Variants in KIF1B observed in about 807,000 individuals in gnomAD.
The protein encoded by KIF1B is kinesin-like protein KIF1B.
Under a neutral mutation model 241.9 loss-of-function variants are expected in KIF1B, and 76 were observed. That is an observed-to-expected ratio of 0.31 (90% CI 0.26 to 0.38). The LOEUF (loss-of-function observed/expected upper bound fraction) is 0.38. Ranked by LOEUF, KIF1B falls within the 10% of genes least tolerant of loss-of-function variation. The pLI is 1.00. For synonymous variants in KIF1B, 750 were observed against 796.7 expected (o/e 0.94, Z 0.99); for missense variants, 1,622 against 2,271.4 (o/e 0.71, Z 5.81).
At chr1:10,345,812 C>G in intron 34 of KIF1B, 33 bp from the exon 35 acceptor site, 1 of 1,526,790 alleles carries the variant, frequency 6.5e-7, no homozygotes, top group South Asian at 1.1e-5. Flanking sequence ...AGTCTTGGAC[C>G]AGATTTTGAC....
At chr1:10,313,754 G>T (rs1651177661) in intron 22 of KIF1B, among the ~76,000 whole-genome samples, 1 of 150,712 alleles carries the variant, frequency 6.6e-6, no homozygotes, top group Non-Finnish European at 1.5e-5. Context: ...GTTTCACCGT[G>T]TTAGCCAGGA....
At chr1:10,246,594 A>G (rs1647216274) in intron 2 of KIF1B, among the ~76,000 whole-genome samples, 1 of 152,126 alleles carries the variant, frequency 6.6e-6, no homozygotes, top group Admixed American at 6.5e-5. Flanking sequence ...AAATACAGAA[A>G]TTAGCCGGGC....
At chr1:10,276,560 A>G (rs1054199262) in intron 12 of KIF1B, among the ~76,000 whole-genome samples, 161 bp downstream of exon 12, 1 of 152,210 alleles carries the variant, frequency 6.6e-6, no homozygotes, top group Non-Finnish European at 1.5e-5. Flanking sequence ...GATTTGTATT[A>G]TAATAGAATT....
chr1:10,260,744 G>A (rs1292550835), intron 4 of KIF1B, among the ~76,000 whole-genome samples: 1 of 151,688 alleles, frequency 6.6e-6, no homozygotes, highest in Admixed American at 6.6e-5. Context: ...GCGCATGCCT[G>A]TAATCCCAGC....
At chr1:10,248,792 C>T (rs1366950957) in intron 2 of KIF1B, among the ~76,000 whole-genome samples, 1 of 152,110 alleles carries the variant, frequency 6.6e-6, no homozygotes, top group African/African-American at 2.4e-5. Context: ...TGATAGGATA[C>T]ATCAGATGTG....
chr1:10,368,837 T>C lies in KIF1B; in HGVS notation c.4824+299T>C, dbSNP rs556303200. Reference sequence around the variant, plus strand: ...AATATTCTATGGGGAGGTGGTATGTTATTCTTTGCCAGGGTACAAGGAAAC... The same window carrying C: ...AATATTCTATGGGGAGGTGGTATGTCATTCTTTGCCAGGGTACAAGGAAAC... On this transcript the variant is annotated intron_variant, in intron 44 of 48. Transcript: ENST00000676179. Among the ~76,000 whole-genome samples, 90 of 152,296 alleles carry C rather than the reference T, an allele frequency of 5.9e-4. 1 individual carries two copies. The highest frequency in any genetic ancestry group is 5.1e-4 in the Non-Finnish European group (35 of 68,012).
At chr1:10,350,671 C>T (rs1479388301) in intron 37 of KIF1B, among the ~76,000 whole-genome samples, 1 of 152,186 alleles carries the variant, frequency 6.6e-6, no homozygotes, top group Non-Finnish European at 1.5e-5. Flanking sequence ...TATTGCCTTC[C>T]TTTGTGATTG....
At chr1:10,234,891 CT>C (rs947042515) in intron 2 of KIF1B, among the ~76,000 whole-genome samples, 121 of 142,616 alleles carry the variant, frequency 8.5e-4, no homozygotes, top group Admixed American at 9.9e-4. Context: ...TTTTCTTTTT[CT>C]TTTTTTTTTT....
At chr1:10,311,460 GTC>G (rs1333436649) in intron 22 of KIF1B, among the ~76,000 whole-genome samples, 1 of 151,174 alleles carries the variant, frequency 6.6e-6, no homozygotes, top group African/African-American at 2.5e-5. Context: ...TGATCCACCT[GTC>G]TCAGCCTCCC....
At chr1:10,236,130 G>T (rs984743572) in intron 2 of KIF1B, among the ~76,000 whole-genome samples, 1 of 151,646 alleles carries the variant, frequency 6.6e-6, no homozygotes, top group Non-Finnish European at 1.5e-5. Context: ...AAATTAGCCG[G>T]ACGTGGTGAT....
At chr1:10,282,203 G>A in intron 14 of KIF1B, 119 bp from the exon 15 acceptor site, 1 of 754,658 alleles carries the variant, frequency 1.3e-6, no homozygotes, top group Admixed American at 2.3e-5. Context: ...AGCGTGTCTT[G>A]GTCTTGGCGC....
chr1:10,297,554 A>C (rs947290756), intron 22 of KIF1B, among the ~76,000 whole-genome samples: 2 of 152,126 alleles, frequency 1.3e-5, no homozygotes, highest in African/African-American at 4.8e-5. Context: ...TGGTTTTGGA[A>C]TTTGCTTCAG....
chr1:10,262,843 T>C (rs1444752639), intron 5 of KIF1B, among the ~76,000 whole-genome samples: 1 of 152,174 alleles, frequency 6.6e-6, no homozygotes, highest in Non-Finnish European at 1.5e-5. Context: ...TTTAAATATA[T>C]ATAATCAAAT....
At chr1:10,263,330 C>G (rs1648259852) in intron 5 of KIF1B, among the ~76,000 whole-genome samples, 1 of 151,694 alleles carries the variant, frequency 6.6e-6, no homozygotes, top group East Asian at 1.9e-4. Context: ...CTTTCTCTTC[C>G]TCCCTCTCTC....
Position 10,365,708 on chromosome 1 carries a change from C to G in KIF1B, c.4752+60C>G. 1 of 1,607,780 alleles carries G rather than the reference C, an allele frequency of 6.2e-7. No homozygotes were observed. Among genetic ancestry groups the G allele is most frequent in the South Asian group, 1.1e-5 (1 of 90,808 alleles). ...CACAAGGCTCCACAAACTAGCCTCT[C>G]GGTTTATTCATTTTCAACACCTTTG... is the stretch of plus-strand genomic sequence containing the variant. On this transcript the variant is annotated intron_variant, in intron 43 of 48. Transcript: ENST00000676179. This position sits in a 1 kb window ranked among gnomAD's most constrained non-coding sequence, Gnocchi z 4.0.
chr1:10,276,779 G>A (rs764955932), intron 12 of KIF1B, among the ~76,000 whole-genome samples: 9 of 152,148 alleles, frequency 5.9e-5, no homozygotes, highest in East Asian at 5.8e-4. Context: ...AGTGTTTGTC[G>A]TTATAGAAAT....
chr1:10,313,445 A>G (rs17034716), intron 22 of KIF1B, among the ~76,000 whole-genome samples: 5,430 of 151,530 alleles, frequency 0.036, 220 homozygotes, highest in Middle Eastern at 0.13. Context: ...GATACAAAAT[A>G]AGCTTAAAAA....
intron 1 of KIF1B, among the ~76,000 whole-genome samples, chr1:10,213,851 C>T (rs945263368): frequency 4.6e-5 from 7 of 151,922 alleles, no homozygotes; most frequent in Non-Finnish European, 1.0e-4. Context: ...CAAAAGGTGC[C>T]TTGGGCCGGA....
At chr1:10,244,660 T>C (rs1486458960) in intron 2 of KIF1B, among the ~76,000 whole-genome samples, 1 of 142,848 alleles carries the variant, frequency 7.0e-6, no homozygotes, top group Admixed American at 7.3e-5. Flanking sequence ...TCGCCCAGGC[T>C]GGAGTGCAGT....
Sources: gnomAD v4.1 joint callset for allele counts (sites outside exome capture counted in the v4.1 genomes callset) on GRCh38, gnomAD v4.1.1 for gene constraint, Gnocchi (gnomAD v3.1) non-coding constraint, MANE v1.5 for transcripts, NCBI Gene and HGNC (gene_info 2026-07-23, HGNC 2026-07-21) for gene names.